SNX25: variants seen among roughly 807,000 people sequenced by gnomAD.
SNX25 encodes sorting nexin 25, also known as sorting nexin-25.
In SNX25, 62 loss-of-function variants were observed where a neutral mutation model predicts 113.7. That is an observed-to-expected ratio of 0.55 (90% confidence interval 0.44 to 0.67). The LOEUF is 0.67. Among genes scored for constraint, SNX25 ranks in the 30% least tolerant of loss-of-function variants. The probability of loss-of-function intolerance (pLI) is 0.00; values close to 1 mark genes in which losing one functional copy is unlikely to be tolerated. For missense variants in SNX25, 1,014 were observed against 1,161.0 expected (o/e 0.87, Z 1.84); for synonymous variants, 421 against 436.2 (o/e 0.97, Z 0.43).
exon 12 of SNX25, chr4:185,369,839 C>T (rs964631114): frequency 1.2e-5 from 5 of 414,514 alleles, no homozygotes; most frequent in African/African-American, 8.4e-5. Context: ...GTAAAAGATC[C>T]TCGGGTGATT....
rs142562592 is a variant in SNX25 at position 185,284,983 on chromosome 4, G to A, written c.1092-3029G>A. ...ACTAGTAGAGAAACGGAAAGGTAAG[G>A]AAACCTTACTATGGAAGAAAGAAGG... On this transcript the variant is annotated intron_variant, in intron 5 of 18. Transcript: ENST00000652585. 3.3e-3 allele frequency among the ~76,000 whole-genome samples: 496 copies of A among 152,274 alleles called. 3 individuals carry two copies. The highest frequency in any genetic ancestry group is 8.0e-3 in the African/African-American group (332 of 41,554).
At chr4:185,245,882 G>A (rs370647670) in intron 1 of SNX25, among the ~76,000 whole-genome samples, 27 of 152,056 alleles carry the variant, frequency 1.8e-4, no homozygotes, top group African/African-American at 5.8e-4. Flanking sequence ...AAAAACTTGC[G>A]TTACTTCCAA....
chr4:185,278,264 A>C (rs1750040968), intron 5 of SNX25, among the ~76,000 whole-genome samples: 1 of 152,196 alleles, frequency 6.6e-6, no homozygotes, highest in African/African-American at 2.4e-5. Context: ...TAACAATGCA[A>C]GTCAACTTAT....
intron 6 of SNX25, among the ~76,000 whole-genome samples, chr4:185,293,100 A>G (rs896144714): frequency 1.3e-5 from 2 of 152,250 alleles, no homozygotes; most frequent in Admixed American, 6.5e-5. Flanking sequence ...TGAAACTAAC[A>G]CAGGACATCA....
intron 6 of SNX25, among the ~76,000 whole-genome samples, chr4:185,308,424 G>T (rs749454830): frequency 5.9e-5 from 9 of 152,130 alleles, no homozygotes; most frequent in Non-Finnish European, 1.0e-4. Flanking sequence ...TTGACCTGGG[G>T]GTCCCTAGTG....
intron 1 of SNX25, among the ~76,000 whole-genome samples, chr4:185,214,887 GCA>G (rs1234832827): frequency 5.9e-5 from 9 of 152,204 alleles, no homozygotes; most frequent in Non-Finnish European, 1.3e-4. Flanking sequence ...GAAATTTCAA[GCA>G]CAGTTTCCTA....
At chr4:185,362,837 C>CTTTTT (rs35348535) in intron 18 of SNX25, 126 bp downstream of exon 18, 51 of 248,910 alleles carry the variant, frequency 2.0e-4, no homozygotes, top group South Asian at 5.3e-4. Context: ...TCTCCCTTGA[C>CTTTTT]TTTTTTTTTT....
chr4:185,339,461 G>A lies in SNX25; in HGVS notation c.1997G>A (p.Trp666Ter). The A allele has an allele frequency of 6.2e-7, 1 of 1,614,074 alleles. No homozygotes were observed. The highest frequency in any genetic ancestry group is 1.1e-5 in the South Asian group (1 of 91,074). The change falls in exon 11 of 19, where the codon TGG (tryptophan) becomes TAG (stop). Residue 666 changes from tryptophan to a stop codon, truncating the protein, a stop_gained. Coordinates refer to ENST00000652585, the MANE Select transcript of SNX25 (RefSeq NM_001378034.2). LOFTEE classifies it high-confidence loss of function. ...CAGCTGCACATGGCAAGAACGGATT[G>A]GTGGTGTGAAAACCTTGGCATGTGG... Reference protein sequence around the residue: ...DLQLHMARTDWWCENLGMWKA... With the variant: ...DLQLHMARTD
rs1208317105 is a variant in SNX25 at position 185,332,696 on chromosome 4, G to A, written c.1851G>A (p.Glu617=). ...TAAACAAACTGCGAGAACTAAATGA[G>A]AAACTTGAATATAAAAGGCAAGCTC... ...FAVNKLRELN[E]KLEYKRQALN... is the part of the protein sequence containing the mutation. The change falls in exon 10 of 19, where the codon GAG becomes GAA. Residue 617 remains glutamate, a synonymous_variant. Transcript: ENST00000652585. 1.9e-6 allele frequency: 3 copies of A among 1,613,926 alleles called. No individual in the cohort carries two copies. Among genetic ancestry groups the A allele is most frequent in the Admixed American group, 1.7e-5 (1 of 59,962 alleles).
chr4:185,224,456 TAG>T (rs1278644871), intron 1 of SNX25, among the ~76,000 whole-genome samples: 6 of 25,530 alleles, frequency 2.4e-4, no homozygotes. Context: ...AATATATATA[TAG>T]ATATATAAAT....
intron 1 of SNX25, among the ~76,000 whole-genome samples, chr4:185,235,158 A>T (rs1006234716): frequency 6.6e-6 from 1 of 152,242 alleles, no homozygotes; most frequent in South Asian, 2.1e-4. Context: ...AGAATCATAC[A>T]TTTGATGCAT....
At chr4:185,315,212 A>G (rs1278664769) in intron 7 of SNX25, among the ~76,000 whole-genome samples, 1 of 148,096 alleles carries the variant, frequency 6.8e-6, no homozygotes, top group Non-Finnish European at 1.5e-5. Flanking sequence ...TCAGAGACAG[A>G]GCAAGACTCC....
At chr4:185,327,404 C>T (rs1038793396) in intron 9 of SNX25, among the ~76,000 whole-genome samples, 37 of 152,160 alleles carry the variant, frequency 2.4e-4, no homozygotes, top group African/African-American at 8.7e-4. Flanking sequence ...GTATGAATTC[C>T]CTTTTATAAA....
chr4:185,347,922 T>G (rs557945455), intron 13 of SNX25, among the ~76,000 whole-genome samples: 1 of 152,342 alleles, frequency 6.6e-6, no homozygotes, highest in African/African-American at 2.4e-5. Context: ...ACTTAATGAT[T>G]GCTTTTAATG....
intron 2 of SNX25, among the ~76,000 whole-genome samples, chr4:185,254,114 G>C (rs1746054763): frequency 6.6e-6 from 1 of 152,154 alleles, no homozygotes; most frequent in Admixed American, 6.5e-5. Context: ...AGGCTCGCAT[G>C]ACTTTTCCCA....
At chr4:185,280,070 C>T (rs1750354385) in intron 5 of SNX25, among the ~76,000 whole-genome samples, 1 of 152,158 alleles carries the variant, frequency 6.6e-6, no homozygotes. Flanking sequence ...GCTGGGACTA[C>T]AGGAGCATGC....
At chr4:185,287,335 A>C (rs2126607547) in intron 5 of SNX25, among the ~76,000 whole-genome samples, 1 of 152,304 alleles carries the variant, frequency 6.6e-6, no homozygotes, top group African/African-American at 2.4e-5. Context: ...GGAGAGCTTT[A>C]AAAATACTGA....
At chr4:185,262,135 A>G (rs577751372) in intron 3 of SNX25, among the ~76,000 whole-genome samples, 2 of 152,350 alleles carry the variant, frequency 1.3e-5, no homozygotes, top group African/African-American at 4.8e-5. Flanking sequence ...ATTGGCCACT[A>G]TCAGACAAAG....
chr4:185,210,879 C>G lies in SNX25; in HGVS notation c.429+624C>G, dbSNP rs1737674375. ...GCAACAAAAGGAAAGCCATCCTCAGCGCGCTGTGGGACACTAGGGCGGGGG... is the reference window on the plus strand; with the variant it reads ...GCAACAAAAGGAAAGCCATCCTCAGGGCGCTGTGGGACACTAGGGCGGGGG... On this transcript the variant is annotated intron_variant, in intron 1 of 18. Coordinates refer to ENST00000652585, the MANE Select transcript of SNX25 (RefSeq NM_001378034.2). This position sits in a 1 kb window ranked among gnomAD's most constrained non-coding sequence, Gnocchi z 4.4. Among the ~76,000 whole-genome samples, 1 of 152,112 alleles carries G rather than the reference C, an allele frequency of 6.6e-6. No homozygotes were observed. Among genetic ancestry groups the G allele is most frequent in the Admixed American group, 6.5e-5 (1 of 15,270 alleles).
Sources: allele counts gnomAD v4.1 joint callset (sites outside exome capture counted in the v4.1 genomes callset), GRCh38; gene constraint gnomAD v4.1.1; non-coding constraint Gnocchi (gnomAD v3.1); transcripts MANE v1.5; gene names NCBI Gene and HGNC (gene_info 2026-07-23, HGNC 2026-07-21).